Variants in CDON observed in about 807,000 individuals in gnomAD.
CDON encodes cell adhesion associated, oncogene regulated.
Under a neutral mutation model 120.9 loss-of-function variants are expected in CDON, and 73 were observed. The observed-to-expected ratio is 0.60, with a 90% CI of 0.50 to 0.73. The LOEUF is 0.73. Among genes scored for constraint, CDON ranks in the 30% least tolerant of loss-of-function variants. CDON has a pLI of 0.00. For synonymous variants in CDON, 566 were observed against 573.5 expected (o/e 0.99, Z 0.19); for missense variants, 1,470 against 1,587.3 (o/e 0.93, Z 1.26).
intron 18 of CDON, among the ~76,000 whole-genome samples, chr11:125,962,774 T>A (rs367844875): frequency 6.6e-6 from 1 of 152,228 alleles, no homozygotes; most frequent in South Asian, 2.1e-4. Flanking sequence ...CTGAGCTCTT[T>A]AGCTCTGGAA....
At chr11:126,001,932 CT>C in intron 10 of CDON, 82 bp from the exon 11 acceptor site, 1 of 1,003,534 alleles carries the variant, frequency 1.0e-6, no homozygotes, top group Non-Finnish European at 1.6e-6. Flanking sequence ...TGAAACTTAC[CT>C]GGTATGTGGT....
intron 18 of CDON, among the ~76,000 whole-genome samples, chr11:125,974,366 TAGGAAGGA>T (rs1185064556): frequency 0.19 from 8,916 of 45,770 alleles, 1,108 homozygotes; most frequent in East Asian, 0.26. Context: ...GGTAGGTAGG[TAGGAAGGA>T]AGGAAGGAAG....
Position 126,019,747 on chromosome 11 carries a change from G to C in CDON, c.368C>G (p.Ser123Ter). 6.2e-7 allele frequency: 1 copy of C among 1,613,198 alleles called. No individual in the cohort carries two copies. The highest frequency in any genetic ancestry group is 8.5e-7 in the Non-Finnish European group (1 of 1,179,344). The change falls in exon 4 of 20, where the codon TCA becomes TGA. Residue 123 changes from serine to a stop codon, truncating the protein, a stop_gained. Coordinates refer to ENST00000531738, the MANE Select transcript of CDON (RefSeq NM_001378964.1). LOFTEE classifies it high-confidence loss of function. ...VSVAVLGDFG[S>*]STKHVITAEE... is the part of the protein sequence containing the mutation. ...TGCTGTAATAACATGCTTTGTGGAT[G>C]AACCAAAATCACCAAGAACTGAAAT...
At position 126,019,649 on chromosome 11, in the gene CDON, T is replaced by C. The variant is rs923547283; in HGVS notation, c.466A>G (p.Ile156Val). The C allele has an allele frequency of 6.2e-7, 1 of 1,614,132 alleles. No individual in the cohort carries two copies. Among genetic ancestry groups the C allele is most frequent in the South Asian group, 1.1e-5 (1 of 91,082 alleles). ...SNPKAEVRYKIRGKWLEHSTE... is the reference protein window; with the variant it reads ...SNPKAEVRYKVRGKWLEHSTE... Reference sequence around the variant, plus strand: ...GAATGTTCCAGCCATTTTCCCCGGATTTTATAGCGCACCTCAGCTTTGGGG... The same window carrying C: ...GAATGTTCCAGCCATTTTCCCCGGACTTTATAGCGCACCTCAGCTTTGGGG... The change falls in exon 4 of 20, where the codon ATC becomes GTC. Residue 156 changes from isoleucine (I) to valine (V), a missense_variant. Ile to Val is a conservative substitution (Grantham distance 29, BLOSUM62 3). Coordinates refer to ENST00000531738, the MANE Select transcript of CDON (RefSeq NM_001378964.1).
chr11:126,009,531 T>C (rs1054301008), intron 8 of CDON, among the ~76,000 whole-genome samples: 1 of 152,212 alleles, frequency 6.6e-6, no homozygotes, highest in African/African-American at 2.4e-5. Context: ...TCCTCGACCC[T>C]ATGGGCTCTT....
chr11:126,050,287 G>A (rs1178707054), intron 1 of CDON, among the ~76,000 whole-genome samples: 2 of 151,532 alleles, frequency 1.3e-5, no homozygotes, highest in Admixed American at 1.3e-4. Context: ...ACATACAACT[G>A]TGCAATTATA....
At chr11:126,016,828 G>A (rs1239968916) in intron 6 of CDON, among the ~76,000 whole-genome samples, 2 of 152,086 alleles carry the variant, frequency 1.3e-5, no homozygotes, top group Non-Finnish European at 2.9e-5. Flanking sequence ...TCCATGTTAT[G>A]AAGAAGGGAG....
At chr11:125,970,671 GA>G (rs1188595172) in intron 18 of CDON, among the ~76,000 whole-genome samples, 1 of 152,180 alleles carries the variant, frequency 6.6e-6, no homozygotes, top group Non-Finnish European at 1.5e-5. Flanking sequence ...ATTAGAGTGG[GA>G]GTTTCCTTTT....
At chr11:126,026,859 G>A (rs928536068) in intron 1 of CDON, among the ~76,000 whole-genome samples, 6 of 152,204 alleles carry the variant, frequency 3.9e-5, no homozygotes, top group Non-Finnish European at 2.9e-5. Flanking sequence ...TTTCCTGAGA[G>A]AATGAGGACA....
intron 1 of CDON, among the ~76,000 whole-genome samples, chr11:126,043,930 G>C (rs1256892757): frequency 6.6e-6 from 1 of 152,224 alleles, no homozygotes; most frequent in Non-Finnish European, 1.5e-5. Context: ...ATTTGATCCA[G>C]CGAAGTCCGG....
At chr11:126,016,112 TA>T (rs1322193549) in intron 6 of CDON, among the ~76,000 whole-genome samples, 5 of 152,226 alleles carry the variant, frequency 3.3e-5, no homozygotes, top group African/African-American at 1.2e-4. Context: ...GTCATACACT[TA>T]TGTTAATTCC....
intron 1 of CDON, among the ~76,000 whole-genome samples, chr11:126,053,905 T>A (rs1358561085): frequency 6.6e-6 from 1 of 152,140 alleles, no homozygotes; most frequent in Non-Finnish European, 1.5e-5. Context: ...CATACCCACA[T>A]CCTAAGGCCA....
rs1032511880 is a variant in CDON at position 125,957,096 on chromosome 11, T to C, written c.*3846A>G. ...TGTGGCGCTCGGTTAATGGTAAAAA[T>C]AGACAATGTGTGAGGCGGGACCGCT... On this transcript the variant is annotated 3_prime_UTR_variant, in exon 20 of 20. Coordinates refer to ENST00000531738, the MANE Select transcript of CDON (RefSeq NM_001378964.1). 6.5e-6 allele frequency: 1 copy of C among 153,992 alleles called. No individual in the cohort carries two copies. Among genetic ancestry groups the C allele is most frequent in the Non-Finnish European group, 1.4e-5 (1 of 69,730 alleles). The allele number at this position is 153,992 out of a possible 1,614,324, so 9.5% of individuals were successfully genotyped here.
Position 126,034,031 on chromosome 11 carries a change from T to G in CDON, c.-61-10494A>C, listed in dbSNP as rs1470682269. ...CCTGCCAATCACTGGGAGTGCTCTC[T>G]TCCTGCCAGGATGAAGCCCCTGGGT... On this transcript the variant is annotated intron_variant, in intron 1 of 19. Transcript: ENST00000531738. The surrounding 1 kb of genome is among the most constrained non-coding windows in gnomAD (Gnocchi z 4.5). 6.6e-6 allele frequency among the ~76,000 whole-genome samples: 1 copy of G among 152,086 alleles called. No individual in the cohort carries two copies. The highest frequency in any genetic ancestry group is 1.5e-5 in the Non-Finnish European group (1 of 68,004).
At chr11:125,999,080 A>G (rs573637352) in intron 11 of CDON, among the ~76,000 whole-genome samples, 1 of 152,372 alleles carries the variant, frequency 6.6e-6, no homozygotes, top group South Asian at 2.1e-4. Context: ...CTTAAGGGAT[A>G]AAAGAGGAAT....
At position 125,958,578 on chromosome 11, in the gene CDON, T is replaced by C. The variant is rs1419061647; in HGVS notation, c.*2364A>G. 6.7e-6 allele frequency: 1 copy of C among 149,668 alleles called. No homozygotes were observed. The highest frequency in any genetic ancestry group is 1.5e-5 in the Non-Finnish European group (1 of 67,498). The allele number at this position is 149,668 out of a possible 1,614,324, so 9.3% of individuals were successfully genotyped here. The stretch of plus-strand genomic sequence containing the variant: ...ATATATATATATATGTGTGTGTGTG[T>C]GTGTGTGTGTGTGTTTATATATATA... On this transcript the variant is annotated 3_prime_UTR_variant, in exon 20 of 20. Transcript: ENST00000531738.
intron 1 of CDON, among the ~76,000 whole-genome samples, chr11:126,045,442 TAAAC>T (rs749954117): frequency 3.9e-5 from 6 of 152,110 alleles, no homozygotes; most frequent in African/African-American, 7.2e-5. Context: ...AAATATAAAA[TAAAC>T]AAAAATAGTT....
At chr11:125,985,744 T>C (rs2134468833) in intron 15 of CDON, among the ~76,000 whole-genome samples, 1 of 152,194 alleles carries the variant, frequency 6.6e-6, no homozygotes, top group Admixed American at 6.5e-5. Context: ...ATCAAAGAAA[T>C]GCAAATCAAA....
intron 10 of CDON, among the ~76,000 whole-genome samples, chr11:126,002,823 A>G (rs922966110): frequency 9.2e-5 from 14 of 152,108 alleles, no homozygotes; most frequent in Admixed American, 3.9e-4. Flanking sequence ...TGTGATGTGG[A>G]CACCCCGTTG....
Sources: allele counts gnomAD v4.1 joint callset (sites outside exome capture counted in the v4.1 genomes callset), GRCh38; gene constraint gnomAD v4.1.1; non-coding constraint Gnocchi (gnomAD v3.1); transcripts MANE v1.5; gene names NCBI Gene and HGNC (gene_info 2026-07-23, HGNC 2026-07-21).